GDPD4: variants seen among roughly 807,000 people sequenced by gnomAD.
The protein encoded by GDPD4 is glycerophosphodiester phosphodiesterase 6.
In GDPD4, 60 loss-of-function variants were observed where a neutral mutation model predicts 67.8. The ratio of observed to expected loss-of-function variants is 0.88; its 90% CI spans 0.72 to 1.10. The LOEUF (loss-of-function observed/expected upper bound fraction) is 1.10, where lower values mean the gene tolerates loss of function less well. GDPD4 is among the 50% of genes least tolerant of loss of function. The pLI, the probability that GDPD4 is intolerant of heterozygous loss-of-function variation, is 0.00. For synonymous variants in GDPD4, 212 were observed against 210.9 expected, an observed-to-expected ratio of 1.00 and a Z score of -0.04; for missense variants, 623 against 613.9, an observed-to-expected ratio of 1.01 and a Z score of -0.16.
chr11:77,233,296 G>A, intron 13 of GDPD4, 124 bp from the exon 14 acceptor site: 2 of 806,702 alleles, frequency 2.5e-6, no homozygotes, highest in Non-Finnish European at 4.1e-6. Flanking sequence ...CTGATCCAGG[G>A]ACAATTCATG....
chr11:77,251,394 T>C (rs1232912316), intron 11 of GDPD4, among the ~76,000 whole-genome samples: 1 of 152,194 alleles, frequency 6.6e-6, no homozygotes, highest in Non-Finnish European at 1.5e-5. Flanking sequence ...ATATTTCTTA[T>C]AGGGCTAGTC....
Position 77,261,458 on chromosome 11 carries a change from G to A in GDPD4, c.708-2916C>T, listed in dbSNP as rs187131271. 1.3e-4 allele frequency among the ~76,000 whole-genome samples: 19 copies of A among 151,768 alleles called. No individual in the cohort carries two copies. In the East Asian group the frequency reaches 2.9e-3, roughly 23 times the overall value. On this transcript the variant is annotated intron_variant, in intron 10 of 16. Coordinates refer to ENST00000315938, the MANE Select transcript of GDPD4 (RefSeq NM_182833.3). ...TCACCATGTTGGCCAGGCTGGTCTC[G>A]AACTCCTGACCTCAGGTGATCTCCC...
intron 10 of GDPD4, among the ~76,000 whole-genome samples, chr11:77,267,622 T>G (rs1440807568): frequency 6.6e-6 from 1 of 152,240 alleles, no homozygotes; most frequent in East Asian, 1.9e-4. Context: ...CACATGTATT[T>G]CGTCCATTTT....
intron 16 of GDPD4, among the ~76,000 whole-genome samples, chr11:77,219,207 T>G (rs1958181754): frequency 6.6e-6 from 1 of 152,266 alleles, no homozygotes; most frequent in South Asian, 2.1e-4. Flanking sequence ...AAGTGTCTGT[T>G]CATATCCTTT....
At chr11:77,232,969 G>T in intron 14 of GDPD4, 56 bp downstream of exon 14, 3 of 1,558,462 alleles carry the variant, frequency 1.9e-6, no homozygotes, top group Non-Finnish European at 2.7e-6. Context: ...CAGGGCTGGG[G>T]GGCCTGCACT....
At chr11:77,258,297 C>A in intron 11 of GDPD4, 89 bp downstream of exon 11, 4 of 1,033,748 alleles carry the variant, frequency 3.9e-6, no homozygotes, top group Non-Finnish European at 6.0e-6. Context: ...ACTTGCCTAT[C>A]TTCATCTATG....
At chr11:77,260,883 CA>C (rs1959102419) in intron 10 of GDPD4, among the ~76,000 whole-genome samples, 1 of 151,194 alleles carries the variant, frequency 6.6e-6, no homozygotes, top group African/African-American at 2.4e-5. Flanking sequence ...AAGACTGAAA[CA>C]AAAAAGAATG....
chr11:77,251,941 G>A (rs1025183416), intron 11 of GDPD4, among the ~76,000 whole-genome samples: 4 of 151,806 alleles, frequency 2.6e-5, no homozygotes, highest in Non-Finnish European at 4.4e-5. Flanking sequence ...ATCAAGCTCA[G>A]AGATTCTTCT....
chr11:77,275,831 A>T (rs1959440779), intron 5 of GDPD4, among the ~76,000 whole-genome samples: 2 of 152,170 alleles, frequency 1.3e-5, no homozygotes, highest in Non-Finnish European at 2.9e-5. Flanking sequence ...TATTCTTGTG[A>T]CTGAAAAGTA....
In GDPD4 at chr11:77,265,121, A is replaced by G. The variant is rs1157139804; in HGVS notation, c.707+3336T>C. Among the ~76,000 whole-genome samples, 11 of 152,208 alleles carry G rather than the reference A, an allele frequency of 7.2e-5. No individual in the cohort carries two copies. In the East Asian group the frequency reaches 1.9e-3, roughly 27 times the overall value. On this transcript the variant is annotated intron_variant, in intron 10 of 16. Transcript: ENST00000315938. ...TTTCTATAGCTCAGGAAACTATACA[A>G]GCTTCAATCATCTGGCCTTTTCCTT... is the stretch of plus-strand genomic sequence containing the variant.
chr11:77,284,126 C>G (rs1022906336), intron 3 of GDPD4, among the ~76,000 whole-genome samples: 1 of 152,096 alleles, frequency 6.6e-6, no homozygotes, highest in African/African-American at 2.4e-5. Context: ...AAAGATTTAT[C>G]TGCATTACTA....
chr11:77,236,769 T>G (rs1343663450), intron 13 of GDPD4, among the ~76,000 whole-genome samples: 1 of 151,852 alleles, frequency 6.6e-6, no homozygotes, highest in African/African-American at 2.4e-5. Context: ...CAATCGCAAT[T>G]ACAGTTGGAT....
chr11:77,281,748 A>C (rs1356637949), intron 3 of GDPD4, among the ~76,000 whole-genome samples: 1 of 152,188 alleles, frequency 6.6e-6, no homozygotes, highest in East Asian at 1.9e-4. Flanking sequence ...GAGTAAGCAC[A>C]AACTTTTCCA....
chr11:77,276,481 CTG>C (rs1274134962), intron 4 of GDPD4, among the ~76,000 whole-genome samples: 1 of 152,312 alleles, frequency 6.6e-6, no homozygotes, highest in South Asian at 2.1e-4. Context: ...AGGAAGAATT[CTG>C]TGTTATCTCC....
chr11:77,239,886 C>G (rs1591538420), intron 13 of GDPD4, among the ~76,000 whole-genome samples: 1 of 150,656 alleles, frequency 6.6e-6, no homozygotes. Flanking sequence ...CACTTGAACC[C>G]AGGAGGCAGA....
intron 1 of GDPD4, among the ~76,000 whole-genome samples, chr11:77,290,025 G>A (rs1216346184): frequency 6.6e-6 from 1 of 152,104 alleles, no homozygotes; most frequent in Non-Finnish European, 1.5e-5. Context: ...TCTTACAAGG[G>A]GTTCAGACAT....
intron 11 of GDPD4, among the ~76,000 whole-genome samples, chr11:77,251,408 C>T (rs11237152): frequency 6.6e-6 from 1 of 152,160 alleles, no homozygotes; most frequent in East Asian, 1.9e-4. Context: ...GCTAGTCTAG[C>T]GGTTTTGCAT....
chr11:77,301,009 TACC>T (rs1299102870), intron 1 of GDPD4, among the ~76,000 whole-genome samples: 2 of 151,240 alleles, frequency 1.3e-5, no homozygotes, highest in African/African-American at 2.4e-5. Flanking sequence ...CCAGAATAAT[TACC>T]ACCACCATTG....
chr11:77,220,759 G>A (rs1321997574), intron 16 of GDPD4, among the ~76,000 whole-genome samples: 1 of 152,156 alleles, frequency 6.6e-6, no homozygotes, highest in Non-Finnish European at 1.5e-5. Context: ...TCTATTGATT[G>A]GAATAGTTTC....
Sources: gnomAD v4.1 joint callset for allele counts (sites outside exome capture counted in the v4.1 genomes callset) on GRCh38, gnomAD v4.1.1 for gene constraint, MANE v1.5 for transcripts, NCBI Gene and HGNC (gene_info 2026-07-23, HGNC 2026-07-21) for gene names.